Variants in CCDC13 observed in about 807,000 individuals in gnomAD.
CCDC13 encodes the protein coiled-coil domain containing 13.
CCDC13 carries 70 observed loss-of-function variants against 87.3 expected under a neutral mutation model. That is an observed-to-expected ratio of 0.80 (90% CI 0.66 to 0.98). The LOEUF (loss-of-function observed/expected upper bound fraction) is 0.98. CCDC13 is among the 50% of genes least tolerant of loss of function. CCDC13 has a pLI of 0.00. For synonymous variants in CCDC13, 317 were observed against 360.3 expected, an observed-to-expected ratio of 0.88 and a Z score of 1.36; for missense variants, 842 against 892.0, an observed-to-expected ratio of 0.94 and a Z score of 0.71.
chr3:42,726,977 GGATA>G (rs1348787233), intron 13 of CCDC13, among the ~76,000 whole-genome samples: 4 of 152,152 alleles, frequency 2.6e-5, no homozygotes, highest in Admixed American at 6.6e-5. Flanking sequence ...AAAAACAATA[GGATA>G]GCCTGAAAGT....
At chr3:42,752,377 G>A (rs74424252) in intron 4 of CCDC13, among the ~76,000 whole-genome samples, 198 bp downstream of exon 4, 2,804 of 152,264 alleles carry the variant, frequency 0.018, 74 homozygotes, top group African/African-American at 0.064. Flanking sequence ...AACAGATGAG[G>A]CCAGAGACAC....
chr3:42,772,124 T>C (rs1052302093), intron 1 of CCDC13, among the ~76,000 whole-genome samples: 14 of 151,370 alleles, frequency 9.2e-5, no homozygotes, highest in African/African-American at 3.4e-4. Context: ...ATACCAAAAT[T>C]AGCCAGGCAT....
At position 42,751,983 on chromosome 3, in the gene CCDC13, C is replaced by T. The variant is rs754230439; in HGVS notation, c.556G>A (p.Asp186Asn). The T allele has an allele frequency of 3.4e-5, 54 of 1,610,170 alleles. No individual in the cohort carries two copies. The highest frequency in any genetic ancestry group is 1.6e-4 in the East Asian group (7 of 44,888). The change falls in exon 5 of 16, where the codon GAC becomes AAC. Residue 186 changes from aspartate (D) to asparagine (N), a missense_variant. Transcript: ENST00000310232. The stretch of plus-strand genomic sequence containing the variant: ...GCCCTCGGTGGCTTGGCTCCTGCGT[C>T]GGTGGCCCCCTTGGCTGACAGCCTG... ...LTRLSAKGAT[D>N]AGAKPPRAQM...
chr3:42,744,220 G>A (rs1438751883), intron 7 of CCDC13, among the ~76,000 whole-genome samples: 1 of 152,204 alleles, frequency 6.6e-6, no homozygotes, highest in Non-Finnish European at 1.5e-5. Flanking sequence ...GCACATGTGG[G>A]CCTTCAGCAA....
chr3:42,717,725 T>C (rs1389008533), intron 13 of CCDC13, among the ~76,000 whole-genome samples: 5 of 152,230 alleles, frequency 3.3e-5, no homozygotes, highest in African/African-American at 9.6e-5. Flanking sequence ...CCTAGCTAAT[T>C]TGTCAGTGTC....
chr3:42,740,422 G>T (rs1344800264), intron 8 of CCDC13, among the ~76,000 whole-genome samples: 8 of 152,066 alleles, frequency 5.3e-5, no homozygotes, highest in Non-Finnish European at 1.0e-4. Context: ...CCTACTATGG[G>T]TTTCCTGAGG....
Position 42,735,836 on chromosome 3 carries a change from G to A in CCDC13, c.1242C>T (p.His414=). ...CCTCGCTGTTCAGTTGCTGGTCCAG[G>A]TGGTGCTGGGACACTCGCGTTTTCT... ...QEEKTRVSQH[H]LDQQLNSEAQ... The change falls in exon 10 of 16, where the codon CAC becomes CAT. Residue 414 remains histidine (H), a synonymous_variant. Coordinates refer to ENST00000310232, the MANE Select transcript of CCDC13 (RefSeq NM_144719.4). The A allele has an allele frequency of 1.9e-6, 3 of 1,614,264 alleles. No homozygotes were observed. Among genetic ancestry groups the A allele is most frequent in the Non-Finnish European group, 2.5e-6 (3 of 1,180,052 alleles).
At chr3:42,742,833 T>TGCA in intron 8 of CCDC13, 63 bp downstream of exon 8, 2 of 1,589,850 alleles carry the variant, frequency 1.3e-6, no homozygotes, top group Non-Finnish European at 1.7e-6. Flanking sequence ...TCAGAGCCCT[T>TGCA]GCAGGCACCA....
chr3:42,740,978 C>G (rs1207463919), intron 8 of CCDC13: 1 of 152,240 alleles, frequency 6.6e-6, no homozygotes, highest in Non-Finnish European at 1.5e-5. Flanking sequence ...ACTCCAGGCT[C>G]TTATGGGTGC....
chr3:42,710,165 A>G (rs1220061387), intron 14 of CCDC13, among the ~76,000 whole-genome samples: 8 of 145,966 alleles, frequency 5.5e-5, no homozygotes, highest in Non-Finnish European at 1.2e-4. Context: ...ACTGGAGTGC[A>G]GTAGCGTGAT....
At chr3:42,755,848 C>G (rs1362760636) in intron 3 of CCDC13, among the ~76,000 whole-genome samples, 1 of 152,184 alleles carries the variant, frequency 6.6e-6, no homozygotes, top group Non-Finnish European at 1.5e-5. Flanking sequence ...CTTCCCAGGT[C>G]TGCTGGGTGG....
At chr3:42,757,948 T>G (rs1012629899) in intron 2 of CCDC13, among the ~76,000 whole-genome samples, 177 bp downstream of exon 2, 2 of 152,180 alleles carry the variant, frequency 1.3e-5, no homozygotes, top group Non-Finnish European at 2.9e-5. Flanking sequence ...GCATTTAGAA[T>G]GGATTGACCA....
chr3:42,743,967 C>G (rs758846330), intron 7 of CCDC13, among the ~76,000 whole-genome samples: 19 of 152,092 alleles, frequency 1.2e-4, no homozygotes, highest in Non-Finnish European at 2.5e-4. Context: ...TAAGATGGGC[C>G]TAAGAGTAAC....
intron 13 of CCDC13, among the ~76,000 whole-genome samples, chr3:42,723,483 A>G (rs959967444): frequency 2.0e-5 from 3 of 152,232 alleles, no homozygotes; most frequent in African/African-American, 7.2e-5. Context: ...GCTCAAGGGA[A>G]GAGAAGTTTA....
intron 1 of CCDC13, among the ~76,000 whole-genome samples, chr3:42,762,547 C>T (rs1410477604): frequency 6.6e-6 from 1 of 152,176 alleles, no homozygotes. Context: ...ACCCTGGACA[C>T]CAAGACTCAG....
intron 14 of CCDC13, among the ~76,000 whole-genome samples, chr3:42,710,608 A>G (rs142769513): frequency 0.015 from 2,359 of 152,314 alleles, 71 homozygotes; most frequent in African/African-American, 0.053. Context: ...AAGTGGGGGC[A>G]GATTGCTTGA....
chr3:42,713,722 C>A lies in CCDC13; in HGVS notation c.1719-406G>T, dbSNP rs149208877. Among the ~76,000 whole-genome samples, 706 of 152,316 alleles carry A rather than the reference C, an allele frequency of 4.6e-3. 11 individuals carry two copies. Among genetic ancestry groups the A allele is most frequent in the South Asian group, 0.024 (117 of 4,828 alleles). On this transcript the variant is annotated intron_variant, in intron 13 of 15. Coordinates refer to ENST00000310232, the MANE Select transcript of CCDC13 (RefSeq NM_144719.4). ...GTTTTATTTTAGTACTCTCCTCCTA[C>A]GAAACAGAATCACCTGTATACGTTT...
intron 13 of CCDC13, among the ~76,000 whole-genome samples, chr3:42,728,960 GA>G (rs756861187): frequency 4.6e-5 from 7 of 152,172 alleles, no homozygotes; most frequent in Non-Finnish European, 8.8e-5. Context: ...GAGAGGCCCT[GA>G]AAATGAGATC....
rs368238525 is a variant in CCDC13, at chr3:42,735,656, G to A, written c.1371+51C>T. On this transcript the variant is annotated intron_variant, in intron 10 of 15. Coordinates refer to ENST00000310232, the MANE Select transcript of CCDC13 (RefSeq NM_144719.4). ...TGGAAAGAAGTGGAAGGAGCTGGAT[G>A]GACTTGCCCGGCTTGAAAATGGGTT... The A allele has an allele frequency of 4.8e-5, 75 of 1,569,660 alleles. No individual in the cohort carries two copies. In the African/African-American group the frequency reaches 9.4e-4, roughly 20 times the overall value.
Sources: gnomAD v4.1 joint callset for allele counts (sites outside exome capture counted in the v4.1 genomes callset) on GRCh38, gnomAD v4.1.1 for gene constraint, MANE v1.5 for transcripts, NCBI Gene and HGNC (gene_info 2026-07-23, HGNC 2026-07-21) for gene names.